The following ART4 variants were observed in gnomAD, a reference collection of about 807,000 sequenced individuals.
ART4 encodes ecto-ADP-ribosyltransferase 4.
A neutral mutation model predicts 24.2 loss-of-function variants in ART4; 14 were observed. The observed-to-expected ratio is 0.58, with a 90% CI of 0.38 to 0.90. The LOEUF (loss-of-function observed/expected upper bound fraction) is 0.90, where lower values mean the gene tolerates loss of function less well. ART4 is among the 40% of genes least tolerant of loss of function. The pLI, the probability that ART4 is intolerant of heterozygous loss-of-function variation, is 0.00. For synonymous variants in ART4, 145 were observed against 139.9 expected (o/e 1.04, Z -0.26); for missense variants, 356 against 366.6 (o/e 0.97, Z 0.24).
At position 14,829,406 on chromosome 12, in the gene ART4, T is replaced by C; in HGVS notation, c.910A>G (p.Thr304Ala). Residue 304 changes from threonine (T) to alanine (A), a missense_variant, in exon 3 of 3, where the codon ACC becomes GCC. Thr to Ala is a moderately conservative substitution (Grantham distance 58). Coordinates refer to ENST00000228936, the MANE Select transcript of ART4 (RefSeq NM_021071.4). ...CTTTTGGAAAAGATGATGACACTGG[T>C]CAAAAAGGAGAGAGATGCAATAGCT... ...PIAIASLSFL[T>A]SVIIFSKSRV 6.2e-7 allele frequency: 1 copy of C among 1,608,306 alleles called. No homozygotes were observed.
chr12:14,840,423 C>T (rs761672287), intron 2 of ART4, 22 bp downstream of exon 2: 2 of 1,563,486 alleles, frequency 1.3e-6, no homozygotes, highest in Admixed American at 3.9e-5. Flanking sequence ...TCCTGAGTGG[C>T]CTCAATTTAG....
chr12:14,837,198 G>GA (rs1230768826), intron 2 of ART4, among the ~76,000 whole-genome samples: 1 of 152,140 alleles, frequency 6.6e-6, no homozygotes, highest in Non-Finnish European at 1.5e-5. Flanking sequence ...AAATTTCTGG[G>GA]AAAAATTTAG....
Position 14,840,485 on chromosome 12 carries a change from T to A in ART4, c.813A>T (p.Ser271=). The A allele has an allele frequency of 6.2e-7, 1 of 1,613,848 alleles. No homozygotes were observed. Among genetic ancestry groups the A allele is most frequent in the Non-Finnish European group, 8.5e-7 (1 of 1,179,928 alleles). The change falls in exon 2 of 3, where the codon TCA becomes TCT. Residue 271 remains serine, a synonymous_variant. Coordinates refer to ENST00000228936, the MANE Select transcript of ART4 (RefSeq NM_021071.4). ...AGTTATATGTGCTCAGGTTCCCAGT[T>A]GACCTCAACTGCAACCAGTCTCCTC... is the stretch of plus-strand genomic sequence containing the variant. The part of the protein sequence containing the change: ...HPRGDWLQLR[S]TGNLSTYNCQ...
Position 14,829,216 on chromosome 12 carries a change from A to C in ART4, c.*155T>G. On this transcript the variant is annotated 3_prime_UTR_variant, in exon 3 of 3. Coordinates refer to ENST00000228936, the MANE Select transcript of ART4 (RefSeq NM_021071.4). The stretch of plus-strand genomic sequence containing the variant: ...GCAAAGGGGTACAAGGAAAGGCATA[A>C]GAGAATTAGCAAAGAGGAGGCCATG... 1.9e-6 allele frequency: 1 copy of C among 519,892 alleles called. No individual in the cohort carries two copies. Among genetic ancestry groups the C allele is most frequent in the Non-Finnish European group, 3.3e-6 (1 of 305,262 alleles). The allele number at this position is 519,892 out of a possible 1,614,324, so 32.2% of individuals were successfully genotyped here.
Position 14,830,482 on chromosome 12 carries a change from T to C in ART4, c.854-1020A>G, listed in dbSNP as rs111957281. 7.3e-3 allele frequency among the ~76,000 whole-genome samples: 1,088 copies of C among 149,714 alleles called. 16 individuals carry two copies. Among genetic ancestry groups the C allele is most frequent in the African/African-American group, 0.026 (1,046 of 40,724 alleles). On this transcript the variant is annotated intron_variant, in intron 2 of 2. Transcript: ENST00000228936. The stretch of plus-strand genomic sequence containing the variant: ...ACCAGATGAGGGAGAAATACATTTC[T>C]ACTATTTTCACACAATATATACATT...
At chr12:14,839,018 T>G (rs980017087) in intron 2 of ART4, among the ~76,000 whole-genome samples, 2 of 152,106 alleles carry the variant, frequency 1.3e-5, no homozygotes, top group African/African-American at 4.8e-5. Flanking sequence ...AAAAAAAGTT[T>G]AACTTTTTTT....
At position 14,826,301 on chromosome 12, in the gene ART4, C is replaced by T. The variant is rs1950359479; in HGVS notation, c.*3070G>A. On this transcript the variant is annotated 3_prime_UTR_variant, in exon 3 of 3. Transcript: ENST00000228936. The stretch of plus-strand genomic sequence containing the variant: ...AATTTTAAGAGAATAGTTTCTGTCT[C>T]CAGAGATTTGATCTGTAAAACAGCA... 1 of 152,128 alleles carries T rather than the reference C, an allele frequency of 6.6e-6. No individual in the cohort carries two copies. The highest frequency in any genetic ancestry group is 6.5e-5 in the Admixed American group (1 of 15,272). 9.4% of individuals were successfully genotyped at this position (152,128 alleles called of 1,614,324 possible).
chr12:14,829,339 T>G lies in ART4; in HGVS notation c.*32A>C. On this transcript the variant is annotated 3_prime_UTR_variant, in exon 3 of 3. Coordinates refer to ENST00000228936, the MANE Select transcript of ART4 (RefSeq NM_021071.4). ...AATAAAAAAGATTTTATTTAAATAT[T>G]TTTTTTAAATAAAAGGAGCCACAAG... 1 of 1,382,840 alleles carries G rather than the reference T, an allele frequency of 7.2e-7. No individual in the cohort carries two copies. Among genetic ancestry groups the G allele is most frequent in the South Asian group, 1.5e-5 (1 of 66,600 alleles). 85.7% of individuals were successfully genotyped at this position (1,382,840 alleles called of 1,614,324 possible).
intron 2 of ART4, 140 bp downstream of exon 2, chr12:14,840,305 C>G (rs1447433449): frequency 4.5e-6 from 3 of 669,374 alleles, no homozygotes; most frequent in Non-Finnish European, 2.5e-6. Flanking sequence ...TGGATTTTCT[C>G]TAATCTATCA....
chr12:14,835,798 T>A (rs113579909), intron 2 of ART4, among the ~76,000 whole-genome samples: 1,755 of 152,166 alleles, frequency 0.012, 40 homozygotes, highest in African/African-American at 0.039. Context: ...TAGAGACGGC[T>A]TTCACCATGT....
chr12:14,838,658 C>T (rs1179818507), intron 2 of ART4, among the ~76,000 whole-genome samples: 1 of 152,134 alleles, frequency 6.6e-6, no homozygotes, highest in East Asian at 1.9e-4. Flanking sequence ...GATAGGTCTC[C>T]TCTCCCTGGT....
chr12:14,830,561 G>A, intron 2 of ART4, among the ~76,000 whole-genome samples: 1 of 144,496 alleles, frequency 6.9e-6, no homozygotes, highest in African/African-American at 2.5e-5. Context: ...GTGTGTGTGT[G>A]TGTGTGTGTG....
In ART4 at chr12:14,840,989, G is replaced by A. The variant is rs1224113811; in HGVS notation, c.309C>T (p.Ala103=). 6.2e-7 allele frequency: 1 copy of A among 1,614,210 alleles called. No individual in the cohort carries two copies. Among genetic ancestry groups the A allele is most frequent in the East Asian group, 2.2e-5 (1 of 44,886 alleles). The change falls in exon 2 of 3, where the codon GCC becomes GCT. Residue 103 remains alanine (A), a synonymous_variant. Transcript: ENST00000228936. ...YFRMWQKAHL[A]WLNQGKVLPQ... ...GTAGAACTTTTCCTTGGTTAAGCCA[G>A]GCTAAGTGGGCTTTTTGCCACATCC...
intron 2 of ART4, among the ~76,000 whole-genome samples, chr12:14,831,797 C>T (rs1463144226): frequency 1.3e-5 from 2 of 152,024 alleles, no homozygotes; most frequent in African/African-American, 4.8e-5. Context: ...GTTACTATTG[C>T]ACAGCTCAGA....
In ART4 at chr12:14,828,967, A is replaced by G. The variant is rs1950375640; in HGVS notation, c.*404T>C. Reference sequence around the variant, plus strand: ...AAAAGAAGCTCCCATTCTATTTCCAATTGCAATTCCACAAAAGTACCCTGA... The same window carrying G: ...AAAAGAAGCTCCCATTCTATTTCCAGTTGCAATTCCACAAAAGTACCCTGA... On this transcript the variant is annotated 3_prime_UTR_variant, in exon 3 of 3. Coordinates refer to ENST00000228936, the MANE Select transcript of ART4 (RefSeq NM_021071.4). 1 of 153,436 alleles carries G rather than the reference A, an allele frequency of 6.5e-6. No individual in the cohort carries two copies. 9.5% of individuals were successfully genotyped at this position (153,436 alleles called of 1,614,324 possible).
Position 14,840,574 on chromosome 12 carries a change from T to G in ART4, c.724A>C (p.Lys242Gln). Reference protein sequence around the residue: ...LGAPVQYFSLKKEVLIPPYEL... With the variant: ...LGAPVQYFSLQKEVLIPPYEL... ...TAGGGAGGGATCAAGACTTCCTTCT[T>G]GAGGGAGAAGTACTGTACAGGTGCA... The change falls in exon 2 of 3, where the codon AAG becomes CAG. Residue 242 changes from lysine to glutamine, a missense_variant. Transcript: ENST00000228936. 1 of 1,614,148 alleles carries G rather than the reference T, an allele frequency of 6.2e-7. No homozygotes were observed. The highest frequency in any genetic ancestry group is 2.2e-5 in the East Asian group (1 of 44,884).
At chr12:14,831,849 C>G (rs774445326) in intron 2 of ART4, among the ~76,000 whole-genome samples, 6 of 152,050 alleles carry the variant, frequency 3.9e-5, no homozygotes, top group Non-Finnish European at 8.8e-5. Context: ...TAAATCTACT[C>G]CATCCCCAGG....
At chr12:14,831,272 T>A (rs906222484) in intron 2 of ART4, among the ~76,000 whole-genome samples, 5 of 28,592 alleles carry the variant, frequency 1.7e-4, no homozygotes, top group African/African-American at 1.4e-3. Flanking sequence ...TCCTTCTCCA[T>A]TTTTTTTTTT....
intron 2 of ART4, among the ~76,000 whole-genome samples, chr12:14,831,739 G>C (rs372166911): frequency 1.3e-5 from 2 of 151,754 alleles, no homozygotes; most frequent in South Asian, 2.1e-4. Flanking sequence ...TGGGTCACTC[G>C]GAATTCTACA....
Sources: gnomAD v4.1 joint callset for allele counts (sites outside exome capture counted in the v4.1 genomes callset) on GRCh38, gnomAD v4.1.1 for gene constraint, MANE v1.5 for transcripts, NCBI Gene and HGNC (gene_info 2026-07-23, HGNC 2026-07-21) for gene names.